Variants in KANTR observed in about 807,000 individuals in gnomAD.
The protein encoded by KANTR is KDM5C adjacent transcript.
intron 2 of KANTR, among the ~76,000 whole-genome samples, chrX:53,141,421 T>TTA (rs1933500292): frequency 8.9e-6 from 1 of 112,031 alleles, no homozygotes; most frequent in Non-Finnish European, 1.9e-5. Context: ...AAATACTTTA[T>TTA]TAGATTCAAT....
exon 3 of KANTR, chrX:53,126,537 T>G (rs1556816214): frequency 8.9e-6 from 1 of 111,988 alleles, no homozygotes; most frequent in East Asian, 2.8e-4. Flanking sequence ...TGTACAAACC[T>G]CATATATTTT....
At chrX:53,129,037 C>T (rs1223225007), downstream of KANTR, among the ~76,000 whole-genome samples, 5 of 102,810 alleles carry the variant, frequency 4.9e-5, no homozygotes, top group Admixed American at 1.1e-4. Flanking sequence ...CCTCAGATGT[C>T]GTTTTTGGGA....
chrX:53,115,255 C>T (rs1183225660), intron 2 of KANTR, among the ~76,000 whole-genome samples: 1 of 111,644 alleles, frequency 9.0e-6, no homozygotes, highest in Admixed American at 9.3e-5. Context: ...GACCACATGG[C>T]CTGGCCTGGC....
At chrX:53,138,164 G>A (rs1225977118) in intron 2 of KANTR, among the ~76,000 whole-genome samples, 2 of 109,162 alleles carry the variant, frequency 1.8e-5, no homozygotes, top group Non-Finnish European at 3.8e-5. Flanking sequence ...CGCCTCCCAG[G>A]TTCAAGTGAT....
intron 2 of KANTR, among the ~76,000 whole-genome samples, chrX:53,140,293 G>A (rs1024944180): frequency 9.0e-6 from 1 of 111,545 alleles, no homozygotes; most frequent in Non-Finnish European, 1.9e-5. Flanking sequence ...GGTCACTCAG[G>A]AGTTCCAGAC....
At chrX:53,129,789 C>A (rs1556816718), downstream of KANTR, among the ~76,000 whole-genome samples, 1 of 110,376 alleles carries the variant, frequency 9.1e-6, no homozygotes, top group African/African-American at 3.3e-5. Context: ...GCAGTGTTTT[C>A]TTCTTGTCGC....
intron 2 of KANTR, among the ~76,000 whole-genome samples, chrX:53,102,992 T>G (rs1556812098): frequency 2.9e-5 from 3 of 105,151 alleles, no homozygotes; most frequent in East Asian, 3.0e-4. Context: ...TTGTTTTTTT[T>G]TTTTTTTTTT....
At chrX:53,130,070 T>C (rs1933342473), downstream of KANTR, among the ~76,000 whole-genome samples, 2 of 110,942 alleles carry the variant, frequency 1.8e-5, no homozygotes, top group Admixed American at 1.9e-4. Flanking sequence ...TTTCACCATG[T>C]CGGTCAGGCT....
chrX:53,113,097 C>T (rs929698412), intron 2 of KANTR: 3 of 271,596 alleles, frequency 1.1e-5, no homozygotes, highest in African/African-American at 2.9e-5. Context: ...GACCTTTTGG[C>T]GATCTTCTTC....
chrX:53,140,132 A>G (rs1933481127), intron 2 of KANTR, among the ~76,000 whole-genome samples: 1 of 112,376 alleles, frequency 8.9e-6, no homozygotes, highest in South Asian at 3.6e-4. Context: ...ACCCTCCTGC[A>G]TGGCTGATGG....
chrX:53,116,811 ATC>A (rs1556814637), intron 2 of KANTR, among the ~76,000 whole-genome samples: 1 of 111,394 alleles, frequency 9.0e-6, no homozygotes, highest in African/African-American at 3.3e-5. Context: ...CATTCCATCT[ATC>A]TACTATTACT....
downstream of KANTR, among the ~76,000 whole-genome samples, chrX:53,129,235 T>TGTGTGTGTGTGTGTGTGTGTGTGTG (rs1933330092): frequency 4.8e-5 from 4 of 83,373 alleles, no homozygotes; most frequent in African/African-American, 1.7e-4. Flanking sequence ...GCCTGGCTAT[T>TGTGTGTGTGTGTGTGTGTGTGTGTG]TGTGTGTGTG....
intron 2 of KANTR, among the ~76,000 whole-genome samples, chrX:53,114,539 G>T (rs1202304022): frequency 4.4e-5 from 5 of 112,661 alleles, no homozygotes; most frequent in African/African-American, 1.6e-4. Flanking sequence ...CAGGCAGGCT[G>T]GTCTGGTGTC....
intron 2 of KANTR, among the ~76,000 whole-genome samples, chrX:53,110,910 G>A (rs1338081336): frequency 3.7e-5 from 4 of 108,263 alleles, no homozygotes; most frequent in African/African-American, 1.3e-4. Flanking sequence ...GTGACAGAGC[G>A]AGACTCTGTC....
rs58263602 is a variant in KANTR, at chrX:53,136,693, C to CATATAT, written n.204-5122_204-5117dup. Among the ~76,000 whole-genome samples the CATATAT allele has an allele frequency of 8.4e-3, 78 of 9,289 alleles. 2 individuals carry two copies. The highest frequency in any genetic ancestry group is 0.01 in the African/African-American group (52 of 5,185). The allele number at this position is 9,289 out of a possible 115,157, so 8.1% of individuals were successfully genotyped here. A position where few individuals can be genotyped will look rare whatever the true frequency, so the allele number is the denominator to read the frequency against. On this transcript the variant is annotated intron_variant and non_coding_transcript_variant, in intron 2 of 2. Transcript: ENST00000366185. ...TACAGGCAAGATCTACCACGCCCGG[C>CATATAT]ATATATATATATATATATATATATA...
intron 2 of KANTR, among the ~76,000 whole-genome samples, chrX:53,117,266 G>A (rs1410310458): frequency 9.0e-6 from 1 of 111,483 alleles, no homozygotes; most frequent in Non-Finnish European, 1.9e-5. Flanking sequence ...GGGACAGAGC[G>A]AGATTCCATC....
intron 2 of KANTR, among the ~76,000 whole-genome samples, chrX:53,139,763 T>C (rs1602129112): frequency 9.0e-6 from 1 of 111,588 alleles, no homozygotes; most frequent in East Asian, 2.8e-4. Flanking sequence ...TAGTTTGAGG[T>C]TACAGTGAGC....
At chrX:53,124,365 C>T (rs1465918985) in exon 3 of KANTR, 4 of 294,985 alleles carry the variant, frequency 1.4e-5, no homozygotes, top group Non-Finnish European at 2.4e-5. Flanking sequence ...TTTTATTAGT[C>T]TTTTCAAAGA....
chrX:53,145,804 C>T (rs1437313384), downstream of KANTR, among the ~76,000 whole-genome samples: 1 of 112,000 alleles, frequency 8.9e-6, no homozygotes, highest in East Asian at 2.8e-4. Flanking sequence ...GACAAAACTT[C>T]CAGAGGAATG....
Sources: allele counts gnomAD v4.1 joint callset (sites outside exome capture counted in the v4.1 genomes callset), GRCh38; gene constraint gnomAD v4.1.1; transcripts MANE v1.5; gene names NCBI Gene and HGNC (gene_info 2026-07-23, HGNC 2026-07-21).